Variants in MACROD2 observed in about 807,000 individuals in gnomAD.
MACROD2 encodes ADP-ribose glycohydrolase MACROD2.
A neutral mutation model predicts 70.4 loss-of-function variants in MACROD2; 36 were observed. That is an observed-to-expected ratio of 0.51 (90% CI 0.39 to 0.68). MACROD2 has a LOEUF of 0.68. MACROD2 is among the 30% of genes least tolerant of loss of function. The pLI is 0.00. For synonymous variants in MACROD2, 172 were observed against 178.8 expected (o/e 0.96, Z 0.30); for missense variants, 496 against 538.4 (o/e 0.92, Z 0.78).
chr20:14,237,707 A>G (rs1259347918), intron 3 of MACROD2, among the ~76,000 whole-genome samples: 1 of 83,782 alleles, frequency 1.2e-5, no homozygotes, highest in Non-Finnish European at 2.3e-5. Context: ...CCCCACCCCA[A>G]AACAGGCCCC....
At chr20:14,779,287 C>A (rs1381161821) in intron 5 of MACROD2, among the ~76,000 whole-genome samples, 1 of 152,134 alleles carries the variant, frequency 6.6e-6, no homozygotes, top group Admixed American at 6.5e-5. Context: ...CACGCTTTCA[C>A]TCTGTGTAAA....
intron 6 of MACROD2, among the ~76,000 whole-genome samples, chr20:15,397,623 A>G (rs1174407236): frequency 6.6e-6 from 1 of 152,142 alleles, no homozygotes; most frequent in African/African-American, 2.4e-5. Flanking sequence ...CTATGGGTGC[A>G]TTTTCATAAT....
intron 6 of MACROD2, among the ~76,000 whole-genome samples, chr20:15,360,599 G>C (rs1382029709): frequency 6.6e-6 from 1 of 151,942 alleles, no homozygotes; most frequent in African/African-American, 2.4e-5. Context: ...TTTGGTTGCT[G>C]CTTCATATGA....
rs142545171 is a variant in MACROD2, at chr20:15,681,583, G to A, written c.646-181162G>A. Among the ~76,000 whole-genome samples the A allele has an allele frequency of 2.2e-3, 331 of 152,334 alleles. 3 individuals are homozygous for A. Among genetic ancestry groups the A allele is most frequent in the African/African-American group, 7.3e-3 (302 of 41,582 alleles). ...GTGGCCTAATTTGTTTGGGGCTTCA[G>A]GTGTATGAACCAGTGCTCATTTTCA... On this transcript the variant is annotated intron_variant, in intron 8 of 17. Transcript: ENST00000684519.
At chr20:15,931,775 CTTTT>C (rs1310932605) in intron 10 of MACROD2, among the ~76,000 whole-genome samples, 7 of 151,896 alleles carry the variant, frequency 4.6e-5, no homozygotes. Flanking sequence ...ATTCTTTTTT[CTTTT>C]TTTGTCCTTC....
Position 15,576,251 on chromosome 20 carries a change from C to T in MACROD2, c.645+76404C>T, listed in dbSNP as rs563086753. On this transcript the variant is annotated intron_variant, in intron 8 of 17. Coordinates refer to ENST00000684519, the MANE Select transcript of MACROD2 (RefSeq NM_001351661.2). ...ACAATCTCATCACCCCCCAAAAGCA[C>T]CTGTTAATACCCTCTGTAGTCCTAC... 6.6e-5 allele frequency among the ~76,000 whole-genome samples: 10 copies of T among 152,224 alleles called. No homozygotes were observed. In the South Asian group the frequency reaches 1.9e-3, roughly 28 times the overall value.
At chr20:15,229,455 T>A (rs1183382421) in intron 5 of MACROD2, among the ~76,000 whole-genome samples, 1 of 152,212 alleles carries the variant, frequency 6.6e-6, no homozygotes, top group African/African-American at 2.4e-5. Flanking sequence ...AAAAATTCTC[T>A]TGGTATTTTT....
At chr20:15,080,021 C>G (rs1036828807) in intron 5 of MACROD2, among the ~76,000 whole-genome samples, 12 of 151,924 alleles carry the variant, frequency 7.9e-5, no homozygotes, top group African/African-American at 2.7e-4. Context: ...ACCCTGGATC[C>G]CTGGCCCTCA....
chr20:14,405,724 A>G (rs2083684421), intron 3 of MACROD2, among the ~76,000 whole-genome samples: 1 of 152,178 alleles, frequency 6.6e-6, no homozygotes, highest in East Asian at 1.9e-4. Flanking sequence ...TCATATTTGT[A>G]CCTATGGTTA....
chr20:15,855,906 C>T (rs1245971410), intron 8 of MACROD2, among the ~76,000 whole-genome samples: 3 of 151,956 alleles, frequency 2.0e-5, no homozygotes, highest in South Asian at 2.1e-4. Context: ...ATGAGTACAT[C>T]GTAATTTATC....
chr20:14,573,969 G>A (rs888238491), intron 4 of MACROD2, among the ~76,000 whole-genome samples: 5 of 152,122 alleles, frequency 3.3e-5, no homozygotes, highest in Non-Finnish European at 5.9e-5. Context: ...TGAAAAGGTA[G>A]CACCACCTTC....
intron 7 of MACROD2, among the ~76,000 whole-genome samples, chr20:15,493,641 A>G (rs566654191): frequency 1.3e-5 from 2 of 152,332 alleles, no homozygotes; most frequent in African/African-American, 2.4e-5. Context: ...CTTTGGACAA[A>G]GTTAAAGATA....
chr20:15,903,473 C>T (rs539543054), intron 10 of MACROD2, among the ~76,000 whole-genome samples: 19 of 152,214 alleles, frequency 1.2e-4, no homozygotes, highest in Admixed American at 2.0e-4. Flanking sequence ...GGAGGCCTAT[C>T]CTGGAGAGGG....
intron 13 of MACROD2, among the ~76,000 whole-genome samples, chr20:15,969,133 G>T (rs1601239240): frequency 6.6e-6 from 1 of 152,034 alleles, no homozygotes; most frequent in East Asian, 1.9e-4. Flanking sequence ...GCGGTGGACT[G>T]CTTCCCAGCT....
intron 8 of MACROD2, among the ~76,000 whole-genome samples, chr20:15,725,474 T>G (rs992145143): frequency 1.3e-5 from 2 of 152,102 alleles, no homozygotes; most frequent in African/African-American, 4.8e-5. Context: ...GTTCTAGGGG[T>G]TTTTTTGTTG....
intron 6 of MACROD2, among the ~76,000 whole-genome samples, chr20:15,319,659 G>A (rs1325253982): frequency 6.6e-6 from 1 of 152,122 alleles, no homozygotes; most frequent in African/African-American, 2.4e-5. Flanking sequence ...CCCAAAGAGT[G>A]AACAACAGGA....
chr20:14,079,862 C>T (rs1015368820), intron 2 of MACROD2, among the ~76,000 whole-genome samples: 3 of 152,130 alleles, frequency 2.0e-5, no homozygotes, highest in African/African-American at 7.2e-5. Context: ...CCCTAGGTCT[C>T]AGACTGGGCC....
At chr20:15,128,005 A>C (rs1330972309) in intron 5 of MACROD2, among the ~76,000 whole-genome samples, 1 of 152,112 alleles carries the variant, frequency 6.6e-6, no homozygotes, top group African/African-American at 2.4e-5. Flanking sequence ...TTTTCTGAGT[A>C]AAGTATTAAA....
intron 5 of MACROD2, among the ~76,000 whole-genome samples, chr20:14,901,105 A>G (rs1014510334): frequency 1.3e-5 from 2 of 152,168 alleles, no homozygotes; most frequent in Admixed American, 6.5e-5. Context: ...TGCATTTTTC[A>G]TATTTTGAGT....
Sources: allele counts gnomAD v4.1 joint callset (sites outside exome capture counted in the v4.1 genomes callset), GRCh38; gene constraint gnomAD v4.1.1; transcripts MANE v1.5; gene names NCBI Gene and HGNC (gene_info 2026-07-23, HGNC 2026-07-21).